The following SNTG2 variants were observed in gnomAD, a reference collection of about 807,000 sequenced individuals.
The protein encoded by SNTG2 is syntrophin gamma 2.
A neutral mutation model predicts 70.9 loss-of-function variants in SNTG2; 74 were observed. That is an observed-to-expected ratio of 1.04 (90% CI 0.86 to 1.27). The LOEUF (loss-of-function observed/expected upper bound fraction) is 1.27, where lower values mean the gene tolerates loss of function less well. Ranked by LOEUF, SNTG2 falls within the 50% of genes most tolerant of loss-of-function variation. SNTG2 has a pLI of 0.00. For synonymous variants in SNTG2, 278 were observed against 273.8 expected (o/e 1.02, Z -0.15); for missense variants, 717 against 690.7 (o/e 1.04, Z -0.43).
intron 1 of SNTG2, among the ~76,000 whole-genome samples, chr2:959,733 G>C (rs1003731510): frequency 1.3e-5 from 2 of 150,710 alleles, no homozygotes; most frequent in Admixed American, 1.3e-4. Flanking sequence ...GGGTGCCGCT[G>C]TGCAGATGGA....
intron 4 of SNTG2, among the ~76,000 whole-genome samples, chr2:1,119,972 A>G (rs1250937502): frequency 6.6e-6 from 1 of 152,116 alleles, no homozygotes; most frequent in African/African-American, 2.4e-5. Context: ...TGAATATTAC[A>G]AACAACAAGA....
intron 1 of SNTG2, among the ~76,000 whole-genome samples, chr2:1,022,484 CG>C (rs1186104154): frequency 6.6e-6 from 1 of 151,294 alleles, no homozygotes; most frequent in Non-Finnish European, 1.5e-5. Context: ...CCTGAGTTCC[CG>C]TGAGTCCCTG....
In SNTG2 at chr2:1,195,562, A is replaced by AT. The variant is rs368745242; in HGVS notation, c.592-13540dup. On this transcript the variant is annotated intron_variant, in intron 8 of 16. Coordinates refer to ENST00000308624, the MANE Select transcript of SNTG2 (RefSeq NM_018968.4). ...GTTCATATCTGCCACCCACTTTTTG[A>AT]TGGGGTTATTTGTTTTTTCTTGTAA... Among the ~76,000 whole-genome samples the AT allele has an allele frequency of 6.6e-5, 10 of 152,192 alleles. No homozygotes were observed. The East Asian group carries it at 1.9e-3, about 29-fold the overall frequency.
At position 1,286,276 on chromosome 2, in the gene SNTG2, G is replaced by A. The variant is rs557760710; in HGVS notation, c.1284+18705G>A. On this transcript the variant is annotated intron_variant, in intron 14 of 16. Coordinates refer to ENST00000308624, the MANE Select transcript of SNTG2 (RefSeq NM_018968.4). ...CTTCCACCCCTTGATTCTTGGACCC[G>A]TGAATCCTGGCTATGAGAAAAACAG... is the stretch of plus-strand genomic sequence containing the variant. Among the ~76,000 whole-genome samples the A allele has an allele frequency of 7.1e-4, 108 of 152,274 alleles. No individual in the cohort carries two copies. In the South Asian group the frequency reaches 9.5e-3, roughly 13 times the overall value.
intron 7 of SNTG2, among the ~76,000 whole-genome samples, chr2:1,167,607 G>T (rs1670815237): frequency 1.8e-5 from 2 of 108,444 alleles, no homozygotes; most frequent in African/African-American, 3.5e-5. Flanking sequence ...CCCACAGACG[G>T]CAGAACTGAA....
chr2:1,222,235 G>A (rs778144448), intron 9 of SNTG2, among the ~76,000 whole-genome samples: 12 of 151,458 alleles, frequency 7.9e-5, no homozygotes, highest in South Asian at 2.1e-4. Flanking sequence ...AGGATTATTC[G>A]TTTTTTTTCA....
chr2:1,017,308 A>G (rs899812079), intron 1 of SNTG2, among the ~76,000 whole-genome samples: 6 of 152,246 alleles, frequency 3.9e-5, no homozygotes, highest in African/African-American at 1.4e-4. Context: ...TCTGTAAAGC[A>G]AAAGGTATGT....
intron 14 of SNTG2, among the ~76,000 whole-genome samples, chr2:1,288,835 A>C (rs534445153): frequency 3.6e-4 from 55 of 152,210 alleles, no homozygotes; most frequent in Middle Eastern, 3.4e-3. Context: ...TTTTGTGTAC[A>C]CACTTACACC....
chr2:1,034,632 G>C (rs933540405), intron 1 of SNTG2, among the ~76,000 whole-genome samples: 1 of 152,084 alleles, frequency 6.6e-6, no homozygotes, highest in Non-Finnish European at 1.5e-5. Flanking sequence ...TATTTTGTGA[G>C]TTTTTAATAG....
intron 1 of SNTG2, among the ~76,000 whole-genome samples, chr2:1,021,104 T>G (rs1008676536): frequency 1.3e-5 from 2 of 152,174 alleles, no homozygotes; most frequent in Non-Finnish European, 2.9e-5. Context: ...CAGTAAGGAA[T>G]CGTGTTTTGA....
rs973844385 is a variant in SNTG2, at chr2:1,353,009, C to G, written c.1489-14334C>G. Among the ~76,000 whole-genome samples the G allele has an allele frequency of 3.9e-5, 6 of 152,180 alleles. No individual in the cohort carries two copies. Among genetic ancestry groups the G allele is most frequent in the Non-Finnish European group, 8.8e-5 (6 of 68,022 alleles). On this transcript the variant is annotated intron_variant, in intron 16 of 16. Transcript: ENST00000308624. This position sits in a 1 kb window ranked among gnomAD's most constrained non-coding sequence, Gnocchi z 4.2. The stretch of plus-strand genomic sequence containing the variant: ...GTGGGGTCCTGCCTCACAAAGACAT[C>G]ACCTCCCGGCTGCACAGTTGCCCAG...
chr2:1,147,210 G>A (rs111533997), intron 6 of SNTG2, among the ~76,000 whole-genome samples: 2,930 of 152,258 alleles, frequency 0.019, 59 homozygotes, highest in Non-Finnish European at 0.024. Context: ...AAATTGACAA[G>A]GGTTGGGCTT....
intron 2 of SNTG2, among the ~76,000 whole-genome samples, chr2:1,085,837 C>A (rs1041737251): frequency 6.6e-6 from 1 of 152,092 alleles, no homozygotes; most frequent in African/African-American, 2.4e-5. Flanking sequence ...TGCTTTATTT[C>A]TTTTATAATT....
At chr2:1,179,372 A>G (rs1360466970) in intron 8 of SNTG2, among the ~76,000 whole-genome samples, 3 of 152,212 alleles carry the variant, frequency 2.0e-5, no homozygotes, top group East Asian at 3.9e-4. Context: ...GCAAAGTCTC[A>G]GGATACAAAA....
intron 1 of SNTG2, among the ~76,000 whole-genome samples, chr2:976,593 G>A (rs1484265753): frequency 6.6e-6 from 1 of 152,158 alleles, no homozygotes; most frequent in African/African-American, 2.4e-5. Flanking sequence ...GGGGGCTCTG[G>A]TGCTCTTCAA....
At position 996,673 on chromosome 2, in the gene SNTG2, G is replaced by GTT; in HGVS notation, c.72+45635_72+45636dup. On this transcript the variant is annotated intron_variant, in intron 1 of 16. Coordinates refer to ENST00000308624, the MANE Select transcript of SNTG2 (RefSeq NM_018968.4). ...ATATTGCTTGTATTTGAGTTACCCAGTTTTTTTTTTTTTTTTTTTTTTTTT... is the reference window on the plus strand; with the variant it reads ...ATATTGCTTGTATTTGAGTTACCCAGTTTTTTTTTTTTTTTTTTTTTTTTTTT... Among the ~76,000 whole-genome samples the GTT allele has an allele frequency of 2.0e-3, 71 of 35,094 alleles. 10 individuals are homozygous for GTT. Among genetic ancestry groups the GTT allele is most frequent in the East Asian group, 6.3e-3 (5 of 798 alleles). 23.0% of individuals were successfully genotyped at this position (35,094 alleles called of 152,430 possible).
At chr2:1,134,683 G>C (rs529690217) in intron 4 of SNTG2, among the ~76,000 whole-genome samples, 1 of 152,178 alleles carries the variant, frequency 6.6e-6, no homozygotes, top group African/African-American at 2.4e-5. Context: ...CCCCCACCGG[G>C]GCTGCAGGTG....
chr2:966,282 T>G (rs1660565924), intron 1 of SNTG2, among the ~76,000 whole-genome samples: 1 of 152,206 alleles, frequency 6.6e-6, no homozygotes, highest in East Asian at 1.9e-4. Flanking sequence ...TATTTATATC[T>G]ATTAAGAGTA....
intron 16 of SNTG2, among the ~76,000 whole-genome samples, chr2:1,340,338 C>T (rs999105172): frequency 2.0e-5 from 3 of 152,216 alleles, no homozygotes; most frequent in African/African-American, 7.2e-5. Flanking sequence ...ATGAGATCAT[C>T]ACCCAACAGC....
Sources: gnomAD v4.1 joint callset for allele counts (sites outside exome capture counted in the v4.1 genomes callset) on GRCh38, gnomAD v4.1.1 for gene constraint, Gnocchi (gnomAD v3.1) non-coding constraint, MANE v1.5 for transcripts, NCBI Gene and HGNC (gene_info 2026-07-23, HGNC 2026-07-21) for gene names.